The following NHS variants were observed in gnomAD, a reference collection of about 807,000 sequenced individuals.
The protein encoded by NHS is NHS actin remodeling regulator.
In NHS, 5 loss-of-function variants were observed where a neutral mutation model predicts 72.5. The observed-to-expected ratio is 0.07, with a 90% CI of 0.04 to 0.14. NHS has a LOEUF of 0.14. Ranked by LOEUF, NHS falls within the 10% of genes least tolerant of loss-of-function variation. The pLI is 1.00. For synonymous variants in NHS, 464 were observed against 547.7 expected (o/e 0.85, Z 2.13); for missense variants, 1,072 against 1,355.7 (o/e 0.79, Z 3.29).
chrX:17,398,333 C>T (rs1030828099), intron 1 of NHS, among the ~76,000 whole-genome samples: 1 of 111,627 alleles, frequency 9.0e-6, no homozygotes, highest in African/African-American at 3.3e-5. Flanking sequence ...TTGACCAGTC[C>T]CCCATCTTTC....
At chrX:17,440,618 A>G (rs7886621) in intron 1 of NHS, among the ~76,000 whole-genome samples, 1,550 of 111,768 alleles carry the variant, frequency 0.014, 24 homozygotes, top group African/African-American at 0.045. Flanking sequence ...AGTAAACATT[A>G]TGGGTTTTCA....
At chrX:17,647,908 T>C (rs1488584562) in intron 1 of NHS, among the ~76,000 whole-genome samples, 1 of 111,644 alleles carries the variant, frequency 9.0e-6, no homozygotes, top group Non-Finnish European at 1.9e-5. Context: ...ACTGGCACTT[T>C]CATGGGGCAT....
chrX:17,603,520 A>C (rs2065662899), intron 1 of NHS, among the ~76,000 whole-genome samples: 1 of 112,040 alleles, frequency 8.9e-6, no homozygotes, highest in Non-Finnish European at 1.9e-5. Flanking sequence ...AAAATAGAAC[A>C]AAAGGAATTT....
chrX:17,644,640 G>A (rs2065897525), intron 1 of NHS, among the ~76,000 whole-genome samples: 1 of 111,374 alleles, frequency 9.0e-6, no homozygotes, highest in Non-Finnish European at 1.9e-5. Context: ...CAGTGGTGGA[G>A]ATAGGGAGGG....
intron 1 of NHS, among the ~76,000 whole-genome samples, chrX:17,604,440 A>G (rs1246780739): frequency 1.8e-5 from 2 of 112,453 alleles, no homozygotes; most frequent in Non-Finnish European, 3.8e-5. Flanking sequence ...CTCTGTTACC[A>G]CATTTGGGAT....
chrX:17,589,711 T>C (rs1249568929), intron 1 of NHS, among the ~76,000 whole-genome samples: 1 of 111,004 alleles, frequency 9.0e-6, no homozygotes, highest in African/African-American at 3.3e-5. Context: ...GTGGGATTGC[T>C]GTATCAAATG....
At chrX:17,667,420 T>A (rs2066019240) in intron 1 of NHS, among the ~76,000 whole-genome samples, 1 of 111,515 alleles carries the variant, frequency 9.0e-6, no homozygotes, top group African/African-American at 3.3e-5. Context: ...TCATGCCAGC[T>A]GCCTAAAGAG....
intron 1 of NHS, among the ~76,000 whole-genome samples, chrX:17,505,458 A>G (rs919663882): frequency 9.0e-6 from 1 of 111,502 alleles, no homozygotes; most frequent in Non-Finnish European, 1.9e-5. Context: ...ACCTGCAACA[A>G]CCTTAGGTAT....
chrX:17,635,161 C>T (rs2065839332), intron 1 of NHS: 3 of 343,509 alleles, frequency 8.7e-6, no homozygotes, highest in Non-Finnish European at 1.2e-5. Flanking sequence ...CTCCTAACCC[C>T]CTGGCCAACT....
At chrX:17,549,834 T>C (rs767335079) in intron 1 of NHS, among the ~76,000 whole-genome samples, 3 of 111,037 alleles carry the variant, frequency 2.7e-5, no homozygotes, top group East Asian at 5.7e-4. Context: ...CCTTTAGCCC[T>C]GGAAAAGGAA....
At chrX:17,538,891 T>G (rs892229619) in intron 1 of NHS, among the ~76,000 whole-genome samples, 1 of 112,133 alleles carries the variant, frequency 8.9e-6, no homozygotes, top group Non-Finnish European at 1.9e-5. Context: ...ACTCTCCCTC[T>G]CTCCTGCTTC....
intron 1 of NHS, among the ~76,000 whole-genome samples, chrX:17,575,787 A>T (rs1180638040): frequency 8.9e-6 from 1 of 111,844 alleles, no homozygotes; most frequent in Non-Finnish European, 1.9e-5. Context: ...TGGCTCATGT[A>T]TCTGGCATGT....
intron 2 of NHS, among the ~76,000 whole-genome samples, chrX:17,689,324 T>C (rs184411569): frequency 3.6e-5 from 4 of 112,467 alleles, no homozygotes; most frequent in African/African-American, 1.3e-4. Flanking sequence ...TTGTGACACT[T>C]ACAATGAAGA....
At chrX:17,397,197 C>T (rs1403483426) in intron 1 of NHS, among the ~76,000 whole-genome samples, 1 of 112,479 alleles carries the variant, frequency 8.9e-6, no homozygotes, top group Non-Finnish European at 1.9e-5. Flanking sequence ...GCAGAACAAC[C>T]CCAGGAGCCC....
At chrX:17,709,380 C>T (rs1025324701) in intron 3 of NHS, among the ~76,000 whole-genome samples, 2 of 111,383 alleles carry the variant, frequency 1.8e-5, no homozygotes, top group African/African-American at 3.3e-5. Flanking sequence ...GTCATCTTGA[C>T]ACCCCACATC....
intron 1 of NHS, among the ~76,000 whole-genome samples, chrX:17,406,485 G>A (rs2064529907): frequency 9.0e-6 from 1 of 111,496 alleles, no homozygotes; most frequent in Admixed American, 9.6e-5. Context: ...GTGGATCCAT[G>A]CCTTCCAGTG....
At chrX:17,671,817 G>A (rs1169525275) in intron 1 of NHS, among the ~76,000 whole-genome samples, 1 of 111,898 alleles carries the variant, frequency 8.9e-6, no homozygotes, top group Non-Finnish European at 1.9e-5. Context: ...AAGAGGAAAA[G>A]ATGAAAACAT....
At chrX:17,578,376 C>T (rs181368548) in intron 1 of NHS, among the ~76,000 whole-genome samples, 1 of 112,305 alleles carries the variant, frequency 8.9e-6, no homozygotes, top group East Asian at 2.8e-4. Context: ...TAGATGCCTC[C>T]TGCATCCCAG....
intron 1 of NHS, among the ~76,000 whole-genome samples, chrX:17,470,266 C>T: frequency 9.0e-6 from 1 of 110,863 alleles, no homozygotes; most frequent in East Asian, 2.8e-4. Context: ...CCCCTGCTCC[C>T]TTAATTATCC....
Sources: allele counts gnomAD v4.1 joint callset (sites outside exome capture counted in the v4.1 genomes callset), GRCh38; gene constraint gnomAD v4.1.1; transcripts MANE v1.5; gene names NCBI Gene and HGNC (gene_info 2026-07-23, HGNC 2026-07-21).